The following COPA variants were observed in gnomAD, a reference collection of about 807,000 sequenced individuals.
COPA encodes coat protein complex I subunit alpha.
A neutral mutation model predicts 158.7 loss-of-function variants in COPA; 10 were observed. The ratio of observed to expected loss-of-function variants is 0.06; its 90% confidence interval spans 0.04 to 0.11. The LOEUF (loss-of-function observed/expected upper bound fraction) is 0.11, where lower values mean the gene tolerates loss of function less well. Among genes scored for constraint, COPA ranks in the 10% least tolerant of loss-of-function variants. The probability of loss-of-function intolerance (pLI) is 1.00; values close to 1 mark genes in which losing one functional copy is unlikely to be tolerated. For synonymous variants in COPA, 462 were observed against 542.8 expected (o/e 0.85, Z 2.07); for missense variants, 1,065 against 1,536.7 (o/e 0.69, Z 5.13).
intron 6 of COPA, among the ~76,000 whole-genome samples, chr1:160,330,340 C>T (rs575955228): frequency 2.0e-5 from 3 of 152,302 alleles, no homozygotes; most frequent in African/African-American, 7.2e-5. Context: ...GTGTCTAGCT[C>T]CTCCTGTTGG....
chr1:160,292,210 A>G lies in COPA; in HGVS notation c.2961-12T>C. The G allele has an allele frequency of 6.2e-7, 1 of 1,607,722 alleles. No individual in the cohort carries two copies. The highest frequency in any genetic ancestry group is 8.5e-7 in the Non-Finnish European group (1 of 1,176,424). On this transcript the variant is annotated splice_polypyrimidine_tract_variant and intron_variant, in intron 28 of 32. Transcript: ENST00000241704. ...GCCCTGCATCCTTCCTGGAAAGGGA[A>G]AAGTAGGAAGAAGACAGGATAGTCA...
chr1:160,335,978 ACT>A (rs1480733927), intron 3 of COPA, among the ~76,000 whole-genome samples: 2 of 151,346 alleles, frequency 1.3e-5, no homozygotes, highest in Admixed American at 6.6e-5. Flanking sequence ...TTGATTTGCA[ACT>A]CTTTTTTCTA....
rs181135283 is a variant in COPA at position 160,291,424 on chromosome 1, G to C, written c.3331C>G (p.Leu1111Val). ...TTGAAGTTCTTGAGCTTGAAGAACA[G>C]ATTGAGGGCTGTACGCAGCACCAGG... ...MILVLRTALN[L>V]FFKLKNFKTA... The change falls in exon 31 of 33, where the codon CTG (leucine) becomes GTG (valine). Residue 1111 changes from leucine (L) to valine (V), a missense_variant. Physicochemically the swap from Leu to Val is conservative, Grantham distance 32. Around this residue, in one of 2 missense-constraint regions of COPA, gnomAD observed 980 missense variants for 1,357.8 expected, o/e 0.72. Transcript: ENST00000241704. 2 of 1,614,180 alleles carry C rather than the reference G, an allele frequency of 1.2e-6. No individual in the cohort carries two copies. The highest frequency in any genetic ancestry group is 1.7e-6 in the Non-Finnish European group (2 of 1,180,036).
At chr1:160,302,159 A>G (rs967250467) in intron 17 of COPA, among the ~76,000 whole-genome samples, 7 of 152,192 alleles carry the variant, frequency 4.6e-5, no homozygotes, top group Non-Finnish European at 1.0e-4. Flanking sequence ...CCTGGAATTG[A>G]TAAGAGTCTA....
Position 160,295,635 on chromosome 1 carries a change from C to A in COPA, c.2476+101G>T, listed in dbSNP as rs1658374448. 4 of 1,202,812 alleles carry A rather than the reference C, an allele frequency of 3.3e-6. No individual in the cohort carries two copies. The Admixed American group carries it at 1.1e-4, about 33-fold the overall frequency. The allele number at this position is 1,202,812 out of a possible 1,614,324, so 74.5% of individuals were successfully genotyped here. On this transcript the variant is annotated intron_variant, in intron 23 of 32. Transcript: ENST00000241704. Reference sequence around the variant, plus strand: ...TTTCAATATTCCATTAGGCTCCATGCAGAAAAAAAGGACAAGTTAAACTAA... The same window carrying A: ...TTTCAATATTCCATTAGGCTCCATGAAGAAAAAAAGGACAAGTTAAACTAA...
Position 160,313,703 on chromosome 1 carries a change from G to A in COPA, c.842+287C>T, listed in dbSNP as rs543358864. ...GCTGGGATTACAGGCATGAGCCACC[G>A]CGCCCGGCCTCATTCCGCATTTCTT... On this transcript the variant is annotated intron_variant, in intron 9 of 32. Transcript: ENST00000241704. 2.8e-4 allele frequency among the ~76,000 whole-genome samples: 42 copies of A among 152,188 alleles called. 1 individual carries two copies. In the South Asian group the frequency reaches 5.4e-3, roughly 20 times the overall value.
At chr1:160,311,437 C>CAA (rs1403835570) in intron 11 of COPA, among the ~76,000 whole-genome samples, 1 of 133,246 alleles carries the variant, frequency 7.5e-6, no homozygotes, top group African/African-American at 2.8e-5. Context: ...GACTCCATCT[C>CAA]AAAAAAAAAA....
At chr1:160,332,095 TC>T (rs1382224954) in intron 6 of COPA, among the ~76,000 whole-genome samples, 1 of 152,240 alleles carries the variant, frequency 6.6e-6, no homozygotes, top group African/African-American at 2.4e-5. Context: ...CCTGTATTAA[TC>T]TATTCTCAAA....
intron 17 of COPA, among the ~76,000 whole-genome samples, chr1:160,300,525 G>A (rs1449411594): frequency 1.3e-5 from 2 of 152,028 alleles, no homozygotes; most frequent in Non-Finnish European, 2.9e-5. Context: ...AAAGTCCTAT[G>A]TCCATATGAC....
At chr1:160,308,484 T>C (rs1194894099) in intron 13 of COPA, among the ~76,000 whole-genome samples, 1 of 152,168 alleles carries the variant, frequency 6.6e-6, no homozygotes, top group African/African-American at 2.4e-5. Context: ...TCTGACCTGG[T>C]ACTAGCCATA....
intron 13 of COPA, chr1:160,308,848 C>A: frequency 4.6e-6 from 2 of 431,196 alleles, no homozygotes; most frequent in South Asian, 3.6e-5. Context: ...ACATGCTGTG[C>A]TGAAAGAGAG....
At chr1:160,296,002 G>T in intron 22 of COPA, 59 bp downstream of exon 22, 1 of 1,591,460 alleles carries the variant, frequency 6.3e-7, no homozygotes, top group Admixed American at 1.7e-5. Context: ...ATTTTAAATT[G>T]TTCTAAGATC....
At chr1:160,311,268 G>A (rs954367501) in intron 11 of COPA, among the ~76,000 whole-genome samples, 2 of 151,332 alleles carry the variant, frequency 1.3e-5, no homozygotes, top group Non-Finnish European at 2.9e-5. Context: ...GCGAAACCCC[G>A]TCTCTACTCA....
intron 6 of COPA, among the ~76,000 whole-genome samples, chr1:160,327,752 G>A (rs993605756): frequency 7.2e-5 from 11 of 151,996 alleles, no homozygotes; most frequent in Non-Finnish European, 1.5e-4. Flanking sequence ...CAGCTACCTG[G>A]GAGGCTGAGG....
intron 11 of COPA, chr1:160,310,554 G>C (rs1658932364): frequency 5.1e-6 from 1 of 196,664 alleles, no homozygotes; most frequent in South Asian, 1.6e-4. Context: ...GTTCTGCTTG[G>C]ATACAAATTC....
chr1:160,309,269 C>A, intron 12 of COPA, 93 bp from the exon 13 acceptor site: 1 of 893,718 alleles, frequency 1.1e-6, no homozygotes, highest in South Asian at 1.4e-5. Flanking sequence ...AGTTCCATTG[C>A]ACAGACACCA....
At chr1:160,324,347 G>C (rs1431100898) in intron 7 of COPA, among the ~76,000 whole-genome samples, 1 of 137,446 alleles carries the variant, frequency 7.3e-6, no homozygotes, top group Non-Finnish European at 1.5e-5. Flanking sequence ...CTGGAGTGTA[G>C]TGGTGCAATC....
At position 160,297,737 on chromosome 1, in the gene COPA, C is replaced by T; in HGVS notation, c.1986G>A (p.Leu662=). The part of the protein sequence containing the change: ...ALECGNIEIA[L]EAAKALDDKN... ...TGTCATCCAGTGCTTTGGCTGCTTC[C>T]AGAGCAATCTAAAGAATCCCCAGGG... The change falls in exon 20 of 33, where the codon CTG becomes CTA. Residue 662 remains leucine, a synonymous_variant. Transcript: ENST00000241704. The T allele has an allele frequency of 6.2e-7, 1 of 1,613,724 alleles. No individual in the cohort carries two copies. Among genetic ancestry groups the T allele is most frequent in the Non-Finnish European group, 8.5e-7 (1 of 1,179,858 alleles).
Position 160,332,133 on chromosome 1 carries a change from T to A in COPA, c.496+315A>T, listed in dbSNP as rs554014509. ...TTTCTTTTTGTCATAGATGTATTTT[T>A]TCTTATTTGAGTGGAAAGCATGATT... On this transcript the variant is annotated intron_variant, in intron 6 of 32. Coordinates refer to ENST00000241704, the MANE Select transcript of COPA (RefSeq NM_004371.4). Among the ~76,000 whole-genome samples, 62 of 152,322 alleles carry A rather than the reference T, an allele frequency of 4.1e-4. 2 individuals are homozygous for A. The South Asian group carries it at 0.013, about 31-fold the overall frequency.
Sources: allele counts gnomAD v4.1 joint callset (sites outside exome capture counted in the v4.1 genomes callset), GRCh38; gene constraint gnomAD v4.1.1; regional missense constraint gnomAD v4.1.1; transcripts MANE v1.5; gene names NCBI Gene and HGNC (gene_info 2026-07-23, HGNC 2026-07-21).